CMC2: variants seen among roughly 807,000 people sequenced by gnomAD.
CMC2 encodes the protein C-X9-C motif containing 2, also known as COX assembly mitochondrial protein 2 homolog.
A neutral mutation model predicts 7.5 loss-of-function variants in CMC2; 5 were observed. The observed-to-expected ratio is 0.66, with a 90% CI of 0.35 to 1.40. CMC2 has a LOEUF of 1.40. CMC2 is among the 40% of genes most tolerant of loss of function. CMC2 has a pLI of 0.04. For missense variants in CMC2, 115 were observed against 92.3 expected, an observed-to-expected ratio of 1.25 and a Z score of -1.01; for synonymous variants, 37 against 31.4, an observed-to-expected ratio of 1.18 and a Z score of -0.60.
intron 2 of CMC2, among the ~76,000 whole-genome samples, chr16:80,985,065 G>C (rs931290765): frequency 6.6e-6 from 1 of 152,134 alleles, no homozygotes; most frequent in Non-Finnish European, 1.5e-5. Flanking sequence ...CAATGTCCCA[G>C]GTACCAGGGA....
At chr16:80,976,209 G>A (rs763575438) in intron 3 of CMC2, 30 bp from the exon 4 acceptor site, 27 of 1,184,016 alleles carry the variant, frequency 2.3e-5, no homozygotes, top group Non-Finnish European at 1.2e-5. Flanking sequence ...GGGGAGAAAA[G>A]AAACAGCAGA....
chr16:80,999,513 C>T (rs1168839282), intron 1 of CMC2, among the ~76,000 whole-genome samples: 1 of 152,282 alleles, frequency 6.6e-6, no homozygotes, highest in Admixed American at 6.5e-5. Flanking sequence ...ATATTCAACA[C>T]TACTCCTATC....
intron 2 of CMC2, chr16:80,988,709 CTAA>C (rs1967736331): frequency 1.7e-6 from 1 of 578,068 alleles, no homozygotes; most frequent in Admixed American, 3.1e-5. Context: ...ACCAATTTGC[CTAA>C]TAATATCATT....
intron 2 of CMC2, among the ~76,000 whole-genome samples, chr16:80,992,860 AT>A (rs1311769139): frequency 6.6e-6 from 1 of 151,828 alleles, no homozygotes; most frequent in Non-Finnish European, 1.5e-5. Flanking sequence ...GGCCACTTTT[AT>A]TTTTATTTTT....
At chr16:80,977,081 T>C (rs911945104) in intron 3 of CMC2, among the ~76,000 whole-genome samples, 6 of 152,200 alleles carry the variant, frequency 3.9e-5, no homozygotes, top group Non-Finnish European at 8.8e-5. Context: ...AGTAACTAGC[T>C]CTTAGCAACC....
intron 3 of CMC2, among the ~76,000 whole-genome samples, chr16:80,977,431 G>T (rs964946113): frequency 5.9e-5 from 9 of 152,056 alleles, no homozygotes; most frequent in Non-Finnish European, 1.0e-4. Context: ...TTTTCCCCTG[G>T]GCAGAAGGGG....
intron 3 of CMC2, among the ~76,000 whole-genome samples, chr16:80,977,698 AG>A (rs2151613417): frequency 6.6e-6 from 1 of 152,368 alleles, no homozygotes; most frequent in Admixed American, 6.5e-5. Context: ...GAAGTTTTCT[AG>A]GTCAAAAGTT....
intron 1 of CMC2, among the ~76,000 whole-genome samples, chr16:80,999,363 T>C (rs373703865): frequency 6.6e-6 from 1 of 151,914 alleles, no homozygotes; most frequent in African/African-American, 2.4e-5. Context: ...ACCAAGGAGG[T>C]AAAAGATCTC....
At chr16:80,987,350 T>TTA (rs1967623570) in intron 2 of CMC2, among the ~76,000 whole-genome samples, 1 of 152,214 alleles carries the variant, frequency 6.6e-6, no homozygotes, top group African/African-American at 2.4e-5. Flanking sequence ...AACCCAGTAC[T>TTA]TAGTGAGTTT....
intron 1 of CMC2, among the ~76,000 whole-genome samples, chr16:81,005,012 A>G (rs930008937): frequency 2.0e-5 from 3 of 152,232 alleles, no homozygotes; most frequent in Non-Finnish European, 4.4e-5. Context: ...AATTTACACT[A>G]CAGTTGTAAT....
At chr16:80,998,410 T>C (rs1968597692) in intron 1 of CMC2, 1 of 151,864 alleles carries the variant, frequency 6.6e-6, no homozygotes, top group African/African-American at 2.4e-5. Context: ...AAACTGAAAC[T>C]CCTGCGCACT....
rs950357892 is a variant in CMC2 at position 80,968,660 on chromosome 16, C to G, written c.*7433G>C. ...CTGGTAAAATAGCTCATTAGGTAATCTGAAAACACTCCTGCTAAAAAGCTA... is the reference window on the plus strand; with the variant it reads ...CTGGTAAAATAGCTCATTAGGTAATGTGAAAACACTCCTGCTAAAAAGCTA... On this transcript the variant is annotated 3_prime_UTR_variant, in exon 4 of 4. Transcript: ENST00000219400. 6.6e-6 allele frequency: 1 copy of G among 152,106 alleles called. No homozygotes were observed. The highest frequency in any genetic ancestry group is 1.5e-5 in the Non-Finnish European group (1 of 68,032). 9.4% of individuals were successfully genotyped at this position (152,106 alleles called of 1,614,324 possible).
intron 1 of CMC2, among the ~76,000 whole-genome samples, chr16:81,002,144 G>A (rs1420152756): frequency 2.0e-5 from 3 of 152,114 alleles, no homozygotes; most frequent in African/African-American, 7.2e-5. Context: ...ACTGGTATAG[G>A]CCAGATGCGG....
At position 80,973,812 on chromosome 16, in the gene CMC2, A is replaced by G. The variant is rs1912095408; in HGVS notation, c.*2281T>C. 1.3e-5 allele frequency: 2 copies of G among 152,240 alleles called. No homozygotes were observed. The highest frequency in any genetic ancestry group is 4.1e-4 in the South Asian group (2 of 4,836). The allele number at this position is 152,240 out of a possible 1,614,324, so 9.4% of individuals were successfully genotyped here. A position where few individuals can be genotyped will look rare whatever the true frequency, so the allele number is the denominator to read the frequency against. On this transcript the variant is annotated 3_prime_UTR_variant, in exon 4 of 4. Transcript: ENST00000219400. The stretch of plus-strand genomic sequence containing the variant: ...TCAGTGTGTACTTTACTCTACAGGG[A>G]TCAGCAACAGCTGCAACACAAGAGA...
At chr16:80,979,458 G>A (rs1458259864) in intron 3 of CMC2, among the ~76,000 whole-genome samples, 1 of 151,874 alleles carries the variant, frequency 6.6e-6, no homozygotes, top group Non-Finnish European at 1.5e-5. Context: ...TGACAAAGCA[G>A]TGGCAAAATT....
At chr16:80,992,906 G>T (rs1417738483) in intron 2 of CMC2, among the ~76,000 whole-genome samples, 1 of 151,894 alleles carries the variant, frequency 6.6e-6, no homozygotes, top group Non-Finnish European at 1.5e-5. Flanking sequence ...TGCCCAAGCT[G>T]GTCTGGAACT....
intron 1 of CMC2, among the ~76,000 whole-genome samples, chr16:81,000,290 G>C (rs963728419): frequency 2.0e-5 from 3 of 152,174 alleles, no homozygotes; most frequent in Non-Finnish European, 4.4e-5. Context: ...AAGGTCAGGA[G>C]TTCGAGACCA....
rs952143436 is a variant in CMC2 at position 81,006,855 on chromosome 16, G to T, written c.-157C>A. 1 of 985,868 alleles carries T rather than the reference G, an allele frequency of 1.0e-6. No individual in the cohort carries two copies. Among genetic ancestry groups the T allele is most frequent in the Non-Finnish European group, 1.2e-6 (1 of 830,286 alleles). The allele number at this position is 985,868 out of a possible 1,614,324, so 61.1% of individuals were successfully genotyped here. The stretch of plus-strand genomic sequence containing the variant: ...TTGCCAGACGCCGAAACCCAGTGAC[G>T]CCCTCCACCGCTCCACCGTGCTCCC... On this transcript the variant is annotated 5_prime_UTR_variant, in exon 1 of 4. Coordinates refer to ENST00000219400, the MANE Select transcript of CMC2 (RefSeq NM_020188.5).
chr16:80,994,505 G>C (rs1968254317), intron 2 of CMC2, among the ~76,000 whole-genome samples: 2 of 149,338 alleles, frequency 1.3e-5, no homozygotes, highest in Admixed American at 1.3e-4. Context: ...ATGATAAAAA[G>C]AATGCTTATA....
Sources: allele counts gnomAD v4.1 joint callset (sites outside exome capture counted in the v4.1 genomes callset), GRCh38; gene constraint gnomAD v4.1.1; transcripts MANE v1.5; gene names NCBI Gene and HGNC (gene_info 2026-07-23, HGNC 2026-07-21).